HIPK2: variants seen among roughly 807,000 people sequenced by gnomAD.
The protein encoded by HIPK2 is homeodomain interacting protein kinase 2.
Under a neutral mutation model 113.7 loss-of-function variants are expected in HIPK2, and 27 were observed. The observed-to-expected ratio is 0.24, with a 90% CI of 0.17 to 0.33. The LOEUF (loss-of-function observed/expected upper bound fraction) is 0.33, where lower values mean the gene tolerates loss of function less well. Among genes scored for constraint, HIPK2 ranks in the 10% least tolerant of loss-of-function variants. HIPK2 has a pLI of 1.00. For synonymous variants in HIPK2, 631 were observed against 642.2 expected (o/e 0.98, Z 0.26); for missense variants, 1,257 against 1,588.0 (o/e 0.79, Z 3.54).
intron 1 of HIPK2, among the ~76,000 whole-genome samples, chr7:139,766,284 C>T (rs984150259): frequency 3.9e-5 from 6 of 152,198 alleles, no homozygotes; most frequent in Admixed American, 6.5e-5. Context: ...AGCAAGTGTG[C>T]GGTATTAGCT....
At chr7:139,596,044 G>A (rs188557690) in intron 12 of HIPK2, among the ~76,000 whole-genome samples, 51 of 152,300 alleles carry the variant, frequency 3.3e-4, no homozygotes, top group Admixed American at 1.6e-3. Flanking sequence ...TTCTAGAGGG[G>A]TTGCTCAGAA....
chr7:139,596,740 C>T lies in HIPK2; in HGVS notation c.2694G>A (p.Glu898=). 2 of 1,612,018 alleles carry T rather than the reference C, an allele frequency of 1.2e-6. No individual in the cohort carries two copies. The highest frequency in any genetic ancestry group is 1.7e-6 in the Non-Finnish European group (2 of 1,178,142). The change falls in exon 12 of 15, where the codon GAG becomes GAA. Residue 898 remains glutamate (E), a synonymous_variant. Transcript: ENST00000406875. The part of the protein sequence containing the change: ...ITISSDTDEE[E]EQKHAPTSTV... The stretch of plus-strand genomic sequence containing the variant: ...ACCTGGTGGGGGCGTGTTTCTGTTC[C>T]TCCTCCTCGTCCGTGTCACTGCTGA...
intron 2 of HIPK2, among the ~76,000 whole-genome samples, chr7:139,670,751 CTTTCTTTCTTTTTTTTTTTT>C (rs1423970702): frequency 0.028 from 1,662 of 59,026 alleles, 54 homozygotes; most frequent in African/African-American, 0.085. Context: ...TTCTTTCTTT[CTTTCTTTCTTTTTTTTTTTT>C]TTTTTTTTTT....
intron 2 of HIPK2, among the ~76,000 whole-genome samples, chr7:139,706,269 T>A (rs541737813): frequency 6.6e-6 from 1 of 152,246 alleles, no homozygotes; most frequent in Non-Finnish European, 1.5e-5. Flanking sequence ...GTGTTTTTGG[T>A]GAGATGTGTA....
intron 14 of HIPK2, 34 bp downstream of exon 14, chr7:139,575,094 C>T (rs1798441778): frequency 1.3e-6 from 2 of 1,559,780 alleles, no homozygotes; most frequent in South Asian, 2.4e-5. Context: ...GATGGGGGCC[C>T]TGCCTGGCCT....
intron 1 of HIPK2, among the ~76,000 whole-genome samples, chr7:139,740,438 G>A (rs185437459): frequency 2.0e-5 from 3 of 152,340 alleles, no homozygotes; most frequent in Admixed American, 1.3e-4. Flanking sequence ...GCAGCAGGAC[G>A]CAAACTGGTG....
chr7:139,649,148 G>A (rs1167561118), intron 2 of HIPK2, among the ~76,000 whole-genome samples: 1 of 152,106 alleles, frequency 6.6e-6, no homozygotes, highest in East Asian at 1.9e-4. Flanking sequence ...TCTCAGTTCT[G>A]TAATTACCAC....
intron 1 of HIPK2, chr7:139,722,013 A>AT: frequency 2.1e-6 from 1 of 476,902 alleles, no homozygotes; most frequent in Non-Finnish European, 4.2e-6. Flanking sequence ...GCCTATTACC[A>AT]TACCACTCTG....
At position 139,631,226 on chromosome 7, in the gene HIPK2, G is replaced by A. The variant is rs778794392; in HGVS notation, c.1286C>T (p.Thr429Ile). 2 of 1,613,788 alleles carry A rather than the reference G, an allele frequency of 1.2e-6. No homozygotes were observed. The highest frequency in any genetic ancestry group is 1.7e-6 in the Non-Finnish European group (2 of 1,179,842). Residue 429 changes from threonine (T) to isoleucine (I), a missense_variant, in exon 4 of 15, where the codon ACA (threonine) becomes ATA (isoleucine). Coordinates refer to ENST00000406875, the MANE Select transcript of HIPK2 (RefSeq NM_022740.5). The surrounding 1 kb of genome is among the most constrained non-coding windows in gnomAD (Gnocchi z 4.9). Reference sequence around the variant, plus strand: ...ACGGTTGAAAAACCTAGTTGTCTTTGTCCCGGCGCTTAATAAATATTCAGC... The same window carrying A: ...ACGGTTGAAAAACCTAGTTGTCTTTATCCCGGCGCTTAATAAATATTCAGC... ...LPAEYLLSAG[T>I]KTTRFFNRDT... is the part of the protein sequence containing the mutation.
intron 13 of HIPK2, among the ~76,000 whole-genome samples, chr7:139,581,480 T>C (rs1484930366): frequency 1.3e-5 from 2 of 152,232 alleles, no homozygotes; most frequent in Admixed American, 1.3e-4. Context: ...GTTCATTCTG[T>C]TGCTTCCAAA....
At position 139,572,764 on chromosome 7, in the gene HIPK2, G is replaced by GTC; in HGVS notation, c.*162_*163insGA. ...GTCCCGACCCGTCCCCCTGCCCTCT[G>GTC]CCCCCCCCCCCCCCCCCGCCCCTGC... On this transcript the variant is annotated 3_prime_UTR_variant, in exon 15 of 15. Coordinates refer to ENST00000406875, the MANE Select transcript of HIPK2 (RefSeq NM_022740.5). 4 of 27,800 alleles carry GTC rather than the reference G, an allele frequency of 1.4e-4. No homozygotes were observed. The highest frequency in any genetic ancestry group is 2.2e-3 in the South Asian group (2 of 930). 1.7% of individuals were successfully genotyped at this position (27,800 alleles called of 1,614,324 possible). A position where few individuals can be genotyped will look rare whatever the true frequency, so the allele number is the denominator to read the frequency against.
At chr7:139,694,985 C>T (rs1055532189) in intron 2 of HIPK2, among the ~76,000 whole-genome samples, 2,693 of 152,250 alleles carry the variant, frequency 0.018, 88 homozygotes, top group East Asian at 0.089. Context: ...TCCACAGGCT[C>T]GCCCCCTATT....
intron 2 of HIPK2, among the ~76,000 whole-genome samples, chr7:139,664,005 C>A (rs770211667): frequency 5.9e-5 from 9 of 152,212 alleles, no homozygotes; most frequent in Non-Finnish European, 1.0e-4. Context: ...GGCCATTCTT[C>A]AAGGAGGACT....
At chr7:139,725,434 T>A (rs1016039856) in intron 1 of HIPK2, among the ~76,000 whole-genome samples, 1 of 152,326 alleles carries the variant, frequency 6.6e-6, no homozygotes, top group South Asian at 2.1e-4. Context: ...ACTAGAAAGC[T>A]CAGGCTTTGC....
chr7:139,638,551 T>G (rs1046447846), intron 2 of HIPK2, among the ~76,000 whole-genome samples: 2 of 152,118 alleles, frequency 1.3e-5, no homozygotes, highest in Non-Finnish European at 2.9e-5. Context: ...ATATATGAAG[T>G]GTCAGACAAA....
chr7:139,642,094 T>C lies in HIPK2; in HGVS notation c.1104-10369A>G, dbSNP rs192228528. Among the ~76,000 whole-genome samples, 36 of 152,336 alleles carry C rather than the reference T, an allele frequency of 2.4e-4. No homozygotes were observed. In the South Asian group the frequency reaches 5.2e-3, roughly 22 times the overall value. On this transcript the variant is annotated intron_variant, in intron 2 of 14. Coordinates refer to ENST00000406875, the MANE Select transcript of HIPK2 (RefSeq NM_022740.5). Reference sequence around the variant, plus strand: ...TTTTATAATCACTGGTATTATAAGGTGTACTCGAACTGCAGAGAAAAAGTC... The same window carrying C: ...TTTTATAATCACTGGTATTATAAGGCGTACTCGAACTGCAGAGAAAAAGTC...
intron 2 of HIPK2, among the ~76,000 whole-genome samples, chr7:139,674,075 A>G (rs948571020): frequency 7.2e-5 from 11 of 151,806 alleles, no homozygotes; most frequent in Admixed American, 2.0e-4. Flanking sequence ...AAAAAAAAAA[A>G]AAGAAAAATT....
intron 2 of HIPK2, among the ~76,000 whole-genome samples, chr7:139,708,910 G>C (rs777464795): frequency 2.6e-5 from 4 of 152,096 alleles, no homozygotes; most frequent in Non-Finnish European, 4.4e-5. Context: ...GTGTGTGCAT[G>C]TGTGTGTGTG....
At chr7:139,660,308 G>A (rs1244126059) in intron 2 of HIPK2, among the ~76,000 whole-genome samples, 1 of 152,106 alleles carries the variant, frequency 6.6e-6, no homozygotes, top group Non-Finnish European at 1.5e-5. Context: ...TGTTGTTGTT[G>A]TTGTTTTTAA....
Sources: allele counts gnomAD v4.1 joint callset (sites outside exome capture counted in the v4.1 genomes callset), GRCh38; gene constraint gnomAD v4.1.1; non-coding constraint Gnocchi (gnomAD v3.1); transcripts MANE v1.5; gene names NCBI Gene and HGNC (gene_info 2026-07-23, HGNC 2026-07-21).